Variants in HPSE2 observed in about 807,000 individuals in gnomAD.
HPSE2 encodes the protein heparanase 2 (inactive), also known as inactive heparanase-2.
Under a neutral mutation model 60.5 loss-of-function variants are expected in HPSE2, and 38 were observed. The observed-to-expected ratio is 0.63, with a 90% CI of 0.48 to 0.82. HPSE2 has a LOEUF of 0.82. HPSE2 is among the 40% of genes least tolerant of loss of function. HPSE2 has a pLI of 0.00. For missense variants in HPSE2, 713 were observed against 740.4 expected (o/e 0.96, Z 0.43); for synonymous variants, 295 against 293.2 (o/e 1.01, Z -0.06).
At chr10:99,065,700 A>G (rs1181624399) in intron 3 of HPSE2, among the ~76,000 whole-genome samples, 1 of 152,228 alleles carries the variant, frequency 6.6e-6, no homozygotes, top group Non-Finnish European at 1.5e-5. Context: ...GAAATATCTA[A>G]GCCAAGGCTT....
At chr10:99,286,829 G>C in the HPSE2 span, among the ~76,000 whole-genome samples, 1 of 152,160 alleles carries the variant, frequency 6.6e-6, no homozygotes, top group Non-Finnish European at 1.5e-5. Context: ...GCTTGGAACT[G>C]TGCAAACTGC....
intron 10 of HPSE2, among the ~76,000 whole-genome samples, 169 bp downstream of exon 10, chr10:98,489,882 A>G (rs924638306): frequency 1.3e-5 from 2 of 152,242 alleles, no homozygotes; most frequent in Admixed American, 6.5e-5. Context: ...TTGGAGTAAA[A>G]GCTATTTACC....
At chr10:98,683,273 G>T (rs912094731) in intron 6 of HPSE2, among the ~76,000 whole-genome samples, 9 of 151,126 alleles carry the variant, frequency 6.0e-5, no homozygotes, top group South Asian at 2.1e-4. Flanking sequence ...TTGAGGAAAA[G>T]GTTTAAAGTC....
the HPSE2 span, among the ~76,000 whole-genome samples, chr10:99,305,953 T>TCACA: frequency 2.8e-4 from 7 of 24,848 alleles, no homozygotes; most frequent in African/African-American, 8.5e-4. Context: ...ATATCCAAAC[T>TCACA]CACACACACG....
intron 4 of HPSE2, among the ~76,000 whole-genome samples, chr10:98,728,627 AAACG>A: frequency 6.6e-6 from 1 of 152,314 alleles, no homozygotes; most frequent in Admixed American, 6.5e-5. Flanking sequence ...CAAAACAAAC[AAACG>A]AACAAACCTA....
chr10:99,216,712 A>C (rs921898135), intron 2 of HPSE2, among the ~76,000 whole-genome samples: 4 of 152,290 alleles, frequency 2.6e-5, no homozygotes, highest in Admixed American at 2.6e-4. Context: ...ACAATGTCTC[A>C]TTCATTTTTG....
chr10:98,596,267 T>C (rs748806399), intron 9 of HPSE2, among the ~76,000 whole-genome samples: 2 of 152,242 alleles, frequency 1.3e-5, no homozygotes, highest in Non-Finnish European at 1.5e-5. Flanking sequence ...ATAATTTTGA[T>C]ACAACAATTT....
chr10:98,806,185 C>T (rs1951037338), intron 3 of HPSE2, among the ~76,000 whole-genome samples: 1 of 152,178 alleles, frequency 6.6e-6, no homozygotes, highest in South Asian at 2.1e-4. Context: ...ATCACCAGAA[C>T]TCTATTAGCA....
intron 9 of HPSE2, among the ~76,000 whole-genome samples, chr10:98,516,281 C>T (rs143506284): frequency 1.1e-4 from 16 of 152,172 alleles, no homozygotes; most frequent in Non-Finnish European, 1.3e-4. Flanking sequence ...AAGCAATTTA[C>T]ACAAGTGACA....
rs534752550 is a variant in HPSE2, at chr10:99,011,710, C to T, written c.610+132528G>A. On this transcript the variant is annotated intron_variant, in intron 3 of 11. Coordinates refer to ENST00000370552, the MANE Select transcript of HPSE2 (RefSeq NM_021828.5). Reference sequence around the variant, plus strand: ...GGCAGGGGTTGCAGTGAGCTGACATCATGCCACTGCACTCCAGCCTGGCGA... The same window carrying T: ...GGCAGGGGTTGCAGTGAGCTGACATTATGCCACTGCACTCCAGCCTGGCGA... Among the ~76,000 whole-genome samples the T allele has an allele frequency of 9.9e-5, 13 of 131,464 alleles. No individual in the cohort carries two copies. The South Asian group carries it at 3.2e-3, about 32-fold the overall frequency. The allele number at this position is 131,464 out of a possible 152,430, so 86.2% of individuals were successfully genotyped here.
At chr10:98,682,867 C>T (rs866003021) in intron 6 of HPSE2, among the ~76,000 whole-genome samples, 1 of 152,160 alleles carries the variant, frequency 6.6e-6, no homozygotes, top group South Asian at 2.1e-4. Context: ...TAACAAACTG[C>T]CTCATTTCCA....
chr10:98,735,031 G>C (rs1307203415), intron 4 of HPSE2, among the ~76,000 whole-genome samples: 1 of 151,844 alleles, frequency 6.6e-6, no homozygotes, highest in Non-Finnish European at 1.5e-5. Flanking sequence ...TCTACATTTG[G>C]GTTTACTCTT....
At chr10:99,313,903 G>C in the HPSE2 span, among the ~76,000 whole-genome samples, 1 of 151,994 alleles carries the variant, frequency 6.6e-6, no homozygotes, top group African/African-American at 2.4e-5. Context: ...CCAGCTGATT[G>C]ACTCCAATTT....
At chr10:98,501,087 C>A (rs900621398) in intron 9 of HPSE2, among the ~76,000 whole-genome samples, 3 of 151,728 alleles carry the variant, frequency 2.0e-5, no homozygotes, top group African/African-American at 7.3e-5. Context: ...TCCAAGACTA[C>A]ACGGATTCAC....
chr10:98,998,216 TGATTTGGGTTAAGG>T (rs780211245), intron 3 of HPSE2, among the ~76,000 whole-genome samples: 2 of 152,220 alleles, frequency 1.3e-5, no homozygotes, highest in Non-Finnish European at 2.9e-5. Context: ...GAGAAAGTTG[TGATTTGGGTTAAGG>T]GACTACAGTC....
the HPSE2 span, among the ~76,000 whole-genome samples, chr10:99,254,112 C>T: frequency 5.9e-5 from 9 of 152,288 alleles, no homozygotes; most frequent in Non-Finnish European, 7.4e-5. Context: ...CATATGCACT[C>T]GCATGTTCAT....
intron 9 of HPSE2, among the ~76,000 whole-genome samples, chr10:98,601,134 G>C (rs1376164579): frequency 6.6e-6 from 1 of 151,546 alleles, no homozygotes; most frequent in Admixed American, 6.6e-5. Flanking sequence ...AATTTTTGTT[G>C]TTGTTGTTCA....
At chr10:99,085,978 T>A (rs1843302073) in intron 3 of HPSE2, among the ~76,000 whole-genome samples, 1 of 152,186 alleles carries the variant, frequency 6.6e-6, no homozygotes, top group South Asian at 2.1e-4. Flanking sequence ...CTCTGTCACC[T>A]GTCAAAATCA....
chr10:98,892,709 A>G (rs916861996), intron 3 of HPSE2, among the ~76,000 whole-genome samples: 1 of 152,226 alleles, frequency 6.6e-6, no homozygotes, highest in Non-Finnish European at 1.5e-5. Flanking sequence ...TGACAAGTAA[A>G]ATAAATTGCC....
Sources: allele counts gnomAD v4.1 joint callset (sites outside exome capture counted in the v4.1 genomes callset), GRCh38; gene constraint gnomAD v4.1.1; transcripts MANE v1.5; gene names NCBI Gene and HGNC (gene_info 2026-07-23, HGNC 2026-07-21).